TMA16: variants seen among roughly 807,000 people sequenced by gnomAD.
The protein encoded by TMA16 is translation machinery associated 16 homolog, also known as translation machinery-associated protein 16.
TMA16 carries 26 observed loss-of-function variants against 27.1 expected under a neutral mutation model. The ratio of observed to expected loss-of-function variants is 0.96; its 90% CI spans 0.70 to 1.33. The LOEUF is 1.33. Ranked by LOEUF, TMA16 falls within the 40% of genes most tolerant of loss-of-function variation. TMA16 has a pLI of 0.00. For synonymous variants in TMA16, 71 were observed against 81.9 expected (o/e 0.87, Z 0.72); for missense variants, 233 against 241.4 (o/e 0.97, Z 0.23).
At chr4:163,511,799 C>T (rs918158297) in intron 2 of TMA16, among the ~76,000 whole-genome samples, 4 of 151,008 alleles carry the variant, frequency 2.6e-5, no homozygotes, top group Admixed American at 6.6e-5. Context: ...CAGTCCTGCT[C>T]GAGCTACACA....
At chr4:163,517,574 A>ACCCG in intron 6 of TMA16, 98 bp downstream of exon 6, 1 of 1,178,184 alleles carries the variant, frequency 8.5e-7, no homozygotes, top group Non-Finnish European at 1.2e-6. Context: ...ACTAAAAGAA[A>ACCCG]ATCGGGTTTC....
chr4:163,497,455 C>T (rs1343328228), intron 1 of TMA16, among the ~76,000 whole-genome samples: 2 of 152,162 alleles, frequency 1.3e-5, no homozygotes, highest in Non-Finnish European at 2.9e-5. Flanking sequence ...ACATTCATTT[C>T]CTGAAACCTC....
rs112188383 is a variant in TMA16, at chr4:163,506,433, G to A, written c.4-600G>A. Among the ~76,000 whole-genome samples, 368 of 152,320 alleles carry A rather than the reference G, an allele frequency of 2.4e-3. 4 individuals carry two copies. The highest frequency in any genetic ancestry group is 3.6e-3 in the Non-Finnish European group (245 of 68,026). The stretch of plus-strand genomic sequence containing the variant: ...TGTAGGAATAAAAGAAACCTGAGAT[G>A]TCTAGTTTGGAGGACCTAATGAATT... On this transcript the variant is annotated intron_variant, in intron 1 of 6. Coordinates refer to ENST00000358572, the MANE Select transcript of TMA16 (RefSeq NM_018352.3).
chr4:163,498,016 T>C (rs1737585590), intron 1 of TMA16, among the ~76,000 whole-genome samples: 1 of 152,234 alleles, frequency 6.6e-6, no homozygotes, highest in Admixed American at 6.5e-5. Context: ...AATGGTATAC[T>C]GGACACCTTA....
intron 1 of TMA16, among the ~76,000 whole-genome samples, chr4:163,504,110 G>A (rs1199484055): frequency 6.6e-6 from 1 of 152,138 alleles, no homozygotes; most frequent in Non-Finnish European, 1.5e-5. Context: ...ATTTTTTGTA[G>A]TTTTGAACAT....
chr4:163,519,461 G>C lies in TMA16; in HGVS notation c.559G>C (p.Glu187Gln). Residue 187 changes from glutamate to glutamine, a missense_variant, in exon 7 of 7, where the codon GAA (glutamate) becomes CAA (glutamine). Transcript: ENST00000358572. ...TGTAGACCAAGATTTGGGGGAATTG[G>C]AACTAAACGATGAATCAAGTGATTC... Reference protein sequence around the residue: ...ITVDQDLGELELNDESSDSDE... With the variant: ...ITVDQDLGELQLNDESSDSDE... 6.2e-7 allele frequency: 1 copy of C among 1,604,456 alleles called. No individual in the cohort carries two copies. Among genetic ancestry groups the C allele is most frequent in the Non-Finnish European group, 8.5e-7 (1 of 1,176,724 alleles).
chr4:163,519,594 T>TA lies in TMA16; in HGVS notation c.*81dup. 4 of 1,346,518 alleles carry TA rather than the reference T, an allele frequency of 3.0e-6. No individual in the cohort carries two copies. Among genetic ancestry groups the TA allele is most frequent in the Non-Finnish European group, 4.0e-6 (4 of 1,010,120 alleles). The allele number at this position is 1,346,518 out of a possible 1,614,324, so 83.4% of individuals were successfully genotyped here. A position where few individuals can be genotyped will look rare whatever the true frequency, so the allele number is the denominator to read the frequency against. On this transcript the variant is annotated 3_prime_UTR_variant, in exon 7 of 7. Coordinates refer to ENST00000358572, the MANE Select transcript of TMA16 (RefSeq NM_018352.3). Reference sequence around the variant, plus strand: ...TGATTATGGTACCTAATTGTCATGATACAAAAATTTGATACTGACATTCTC... The same window carrying TA: ...TGATTATGGTACCTAATTGTCATGATAACAAAAATTTGATACTGACATTCTC...
chr4:163,512,911 C>T, intron 3 of TMA16, 52 bp downstream of exon 3: 1 of 1,391,766 alleles, frequency 7.2e-7, no homozygotes, highest in Admixed American at 2.1e-5. Context: ...GGCATTTCTG[C>T]CCTATACTTG....
chr4:163,496,985 A>G (rs985176704), intron 1 of TMA16, among the ~76,000 whole-genome samples: 2 of 152,214 alleles, frequency 1.3e-5, no homozygotes, highest in Non-Finnish European at 2.9e-5. Context: ...GGCTCATACA[A>G]TACTACTAGG....
chr4:163,501,589 A>G (rs533001557), intron 1 of TMA16, among the ~76,000 whole-genome samples: 1 of 152,318 alleles, frequency 6.6e-6, no homozygotes, highest in South Asian at 2.1e-4. Context: ...TGTTGATTTT[A>G]GATGTTGTTT....
At chr4:163,517,305 T>G (rs1017768852) in intron 5 of TMA16, 129 bp from the exon 6 acceptor site, 1 of 827,220 alleles carries the variant, frequency 1.2e-6, no homozygotes, top group Non-Finnish European at 1.9e-6. Flanking sequence ...TTTTTCATGT[T>G]AATTACAGCA....
chr4:163,517,636 C>T (rs1737901552), intron 6 of TMA16, 160 bp downstream of exon 6: 9 of 576,338 alleles, frequency 1.6e-5, no homozygotes, highest in East Asian at 6.1e-5. Context: ...TGAAGTTGGG[C>T]GTACAAACAG....
chr4:163,507,600 T>G lies in TMA16; in HGVS notation c.116+455T>G, dbSNP rs72989839. Among the ~76,000 whole-genome samples, 1,364 of 152,112 alleles carry G rather than the reference T, an allele frequency of 9.0e-3. 25 individuals carry two copies. Among genetic ancestry groups the G allele is most frequent in the African/African-American group, 0.031 (1,291 of 41,494 alleles). ...ATAGGTTAGGGGTATTGACACAAAT[T>G]TGGGAGCGATCAGCATCCATGTGGG... On this transcript the variant is annotated intron_variant, in intron 2 of 6. Transcript: ENST00000358572.
rs1169523582 is a variant in TMA16 at position 163,494,811 on chromosome 4, C to T, written c.3+7C>T. The T allele has an allele frequency of 6.2e-7, 1 of 1,611,966 alleles. No individual in the cohort carries two copies. The highest frequency in any genetic ancestry group is 1.1e-5 in the South Asian group (1 of 91,078). ...CCACGAGGACGTCACCATGGTGGGC[C>T]CCCTCCTGCTCCCCCGAACCGCTCG... On this transcript the variant is annotated splice_region_variant and intron_variant, in intron 1 of 6. Transcript: ENST00000358572.
intron 2 of TMA16, among the ~76,000 whole-genome samples, chr4:163,511,899 G>A (rs775614783): frequency 1.4e-4 from 21 of 152,056 alleles, no homozygotes; most frequent in Non-Finnish European, 2.5e-4. Context: ...AAAATGGGAG[G>A]ATAAATCTGG....
At chr4:163,501,707 CTT>C (rs1560912320) in intron 1 of TMA16, among the ~76,000 whole-genome samples, 5 of 152,140 alleles carry the variant, frequency 3.3e-5, no homozygotes, top group African/African-American at 7.2e-5. Context: ...CATATTCTCT[CTT>C]TTGTTCTGGG....
intron 2 of TMA16, among the ~76,000 whole-genome samples, chr4:163,508,921 C>G (rs1458288827): frequency 6.6e-6 from 1 of 152,048 alleles, no homozygotes; most frequent in African/African-American, 2.4e-5. Context: ...ATATATTGTC[C>G]TAAGAAAATT....
intron 6 of TMA16, 120 bp downstream of exon 6, chr4:163,517,596 T>G: frequency 1.2e-6 from 1 of 850,198 alleles, no homozygotes; most frequent in African/African-American, 1.8e-5. Context: ...TTTAACCTTT[T>G]CTTTTTTATC....
chr4:163,507,574 A>G (rs879304936), intron 2 of TMA16, among the ~76,000 whole-genome samples: 4 of 152,080 alleles, frequency 2.6e-5, no homozygotes, highest in Non-Finnish European at 5.9e-5. Flanking sequence ...GTGTTCAGAG[A>G]ATAGGTTAGG....
Sources: gnomAD v4.1 joint callset for allele counts (sites outside exome capture counted in the v4.1 genomes callset) on GRCh38, gnomAD v4.1.1 for gene constraint, MANE v1.5 for transcripts, NCBI Gene and HGNC (gene_info 2026-07-23, HGNC 2026-07-21) for gene names.